The following PIEZO2 variants were observed in gnomAD, a reference collection of about 807,000 sequenced individuals.
The protein encoded by PIEZO2 is piezo type mechanosensitive ion channel component 2, also known as piezo-type mechanosensitive ion channel component 2.
A neutral mutation model predicts 337.3 loss-of-function variants in PIEZO2; 172 were observed. That is an observed-to-expected ratio of 0.51 (90% CI 0.45 to 0.58). The LOEUF (loss-of-function observed/expected upper bound fraction) is 0.58, where lower values mean the gene tolerates loss of function less well. Among genes scored for constraint, PIEZO2 ranks in the 20% least tolerant of loss-of-function variants. The probability of loss-of-function intolerance (pLI) is 0.00; values close to 1 mark genes in which losing one functional copy is unlikely to be tolerated. For missense variants in PIEZO2, 3,028 were observed against 3,391.3 expected, an observed-to-expected ratio of 0.89 and a Z score of 2.66; for synonymous variants, 1,251 against 1,228.5, an observed-to-expected ratio of 1.02 and a Z score of -0.38.
intron 4 of PIEZO2, among the ~76,000 whole-genome samples, chr18:10,887,065 CT>C (rs143421507): frequency 4.4e-4 from 40 of 91,400 alleles, no homozygotes; most frequent in South Asian, 1.3e-3. Flanking sequence ...AGGTGACACA[CT>C]TTTTTTTTTT....
At chr18:10,844,310 C>T (rs2041282713) in intron 7 of PIEZO2, among the ~76,000 whole-genome samples, 1 of 151,878 alleles carries the variant, frequency 6.6e-6, no homozygotes, top group Admixed American at 6.6e-5. Flanking sequence ...GTCCCAGCTA[C>T]TTAGGAAGCT....
chr18:10,778,874 A>G (rs1469811252), intron 18 of PIEZO2, among the ~76,000 whole-genome samples: 1 of 152,240 alleles, frequency 6.6e-6, no homozygotes, highest in African/African-American at 2.4e-5. Flanking sequence ...AAGGGAGCCC[A>G]TCAAACCAAC....
At position 10,696,104 on chromosome 18, in the gene PIEZO2, A is replaced by T; in HGVS notation, c.7160T>A (p.Met2387Lys). The change falls in exon 47 of 56, where the codon ATG becomes AAG. Residue 2387 changes from methionine to lysine, a missense_variant. Physicochemically the swap from Met to Lys is moderately conservative, Grantham distance 95. Around this residue, in one of 5 missense-constraint regions of PIEZO2, gnomAD observed 179 missense variants for 281.8 expected, o/e 0.64. Transcript: ENST00000674853. ...VILVFGIHFW[M>K]FFILPGVTER... Reference sequence around the variant, plus strand: ...AGTCACACCAGGTAAGATGAAGAACATCCAGAAGTGAATTCCGAACACAAG... The same window carrying T: ...AGTCACACCAGGTAAGATGAAGAACTTCCAGAAGTGAATTCCGAACACAAG... 1 of 1,614,198 alleles carries T rather than the reference A, an allele frequency of 6.2e-7. No individual in the cohort carries two copies. Among genetic ancestry groups the T allele is most frequent in the Non-Finnish European group, 8.5e-7 (1 of 1,180,008 alleles).
At chr18:10,762,109 C>G (rs1024957440) in intron 23 of PIEZO2, among the ~76,000 whole-genome samples, 5 of 152,184 alleles carry the variant, frequency 3.3e-5, no homozygotes, top group Admixed American at 1.3e-4. Flanking sequence ...GTATACTTTA[C>G]TTAATATTTT....
intron 40 of PIEZO2, among the ~76,000 whole-genome samples, chr18:10,705,988 T>C (rs1439656014): frequency 1.3e-5 from 2 of 152,224 alleles, no homozygotes; most frequent in Non-Finnish European, 2.9e-5. Flanking sequence ...GCCAGTCACG[T>C]GGCTCTCAAA....
rs1213240236 is a variant in PIEZO2 at position 10,716,557 on chromosome 18, G to A, written c.5090-741C>T. Among the ~76,000 whole-genome samples, 1 of 152,006 alleles carries A rather than the reference G, an allele frequency of 6.6e-6. No homozygotes were observed. The highest frequency in any genetic ancestry group is 1.5e-5 in the Non-Finnish European group (1 of 68,044). On this transcript the variant is annotated intron_variant, in intron 37 of 55. Transcript: ENST00000674853. This position sits in a 1 kb window ranked among gnomAD's most constrained non-coding sequence, Gnocchi z 4.1. Reference sequence around the variant, plus strand: ...CGGGTATCTTTTGCTGAGCAAGGAGGCACAGGAAGAGAACGGCCGCTGCTT... The same window carrying A: ...CGGGTATCTTTTGCTGAGCAAGGAGACACAGGAAGAGAACGGCCGCTGCTT...
At chr18:10,705,278 C>A in intron 41 of PIEZO2, 58 bp downstream of exon 41, 1 of 1,447,488 alleles carries the variant, frequency 6.9e-7, no homozygotes, top group South Asian at 1.4e-5. Flanking sequence ...AGAATTAGGG[C>A]ATTATGTTTA....
At chr18:10,829,167 A>G (rs1164931294) in intron 7 of PIEZO2, among the ~76,000 whole-genome samples, 2 of 152,166 alleles carry the variant, frequency 1.3e-5, no homozygotes, top group African/African-American at 4.8e-5. Flanking sequence ...TTTATAACTT[A>G]TGCTTATTTG....
At chr18:10,723,741 T>A (rs9951599) in intron 36 of PIEZO2, among the ~76,000 whole-genome samples, 6,968 of 152,168 alleles carry the variant, frequency 0.046, 530 homozygotes, top group African/African-American at 0.16. Context: ...GAGCGCCCTG[T>A]CACTGGCCTT....
In PIEZO2 at chr18:11,003,717, A is replaced by G. The variant is rs928385096; in HGVS notation, c.161-24057T>C. On this transcript the variant is annotated intron_variant, in intron 2 of 55. Transcript: ENST00000674853. The surrounding 1 kb of genome is among the most constrained non-coding windows in gnomAD (Gnocchi z 4.6). ...CAGACTGGGACCATGTGGACACACC[A>G]ATTTACCTAACATGTCCAGCTCTGG... Among the ~76,000 whole-genome samples the G allele has an allele frequency of 2.0e-4, 30 of 152,222 alleles. No individual in the cohort carries two copies. The highest frequency in any genetic ancestry group is 7.0e-4 in the African/African-American group (29 of 41,544).
chr18:10,885,357 G>A (rs1400389418), intron 4 of PIEZO2, among the ~76,000 whole-genome samples: 1 of 152,170 alleles, frequency 6.6e-6, no homozygotes, highest in Non-Finnish European at 1.5e-5. Context: ...CCGGGAGGTG[G>A]AGCTTGCAGT....
Position 10,795,140 on chromosome 18 carries a change from A to T in PIEZO2, c.1528-138T>A. Reference sequence around the variant, plus strand: ...GAGAGTAGAGAGTTGTGGTGGAGTGATGGAGACCCCAAGCCGTGGAGTGGT... The same window carrying T: ...GAGAGTAGAGAGTTGTGGTGGAGTGTTGGAGACCCCAAGCCGTGGAGTGGT... On this transcript the variant is annotated intron_variant, in intron 12 of 55. Transcript: ENST00000674853. This position sits in a 1 kb window ranked among gnomAD's most constrained non-coding sequence, Gnocchi z 4.4. The T allele has an allele frequency of 1.4e-6, 1 of 738,042 alleles. No homozygotes were observed. The allele number at this position is 738,042 out of a possible 1,614,324, so 45.7% of individuals were successfully genotyped here. A position where few individuals can be genotyped will look rare whatever the true frequency, so the allele number is the denominator to read the frequency against.
chr18:10,857,388 G>T (rs544201875), intron 5 of PIEZO2, among the ~76,000 whole-genome samples, 177 bp from the exon 6 acceptor site: 1 of 152,050 alleles, frequency 6.6e-6, no homozygotes, highest in Admixed American at 6.5e-5. Context: ...ATAAGCCCAA[G>T]TAACTCTGAT....
At chr18:11,057,690 A>G (rs2037781285) in intron 2 of PIEZO2, among the ~76,000 whole-genome samples, 1 of 152,214 alleles carries the variant, frequency 6.6e-6, no homozygotes, top group Non-Finnish European at 1.5e-5. Context: ...GCTATTGTAG[A>G]ATATTCCACC....
At chr18:10,688,362 T>C (rs1467941951) in intron 49 of PIEZO2, among the ~76,000 whole-genome samples, 3 of 152,214 alleles carry the variant, frequency 2.0e-5, no homozygotes, top group Non-Finnish European at 2.9e-5. Context: ...CTGCATAGTA[T>C]TCCATGGTGT....
intron 36 of PIEZO2, among the ~76,000 whole-genome samples, chr18:10,722,516 A>C (rs952766332): frequency 2.6e-5 from 4 of 152,150 alleles, no homozygotes; most frequent in Non-Finnish European, 5.9e-5. Context: ...AGGGTGAGCC[A>C]CCGTGCCCAG....
At chr18:10,844,645 T>C (rs920485165) in intron 7 of PIEZO2, among the ~76,000 whole-genome samples, 11 of 151,314 alleles carry the variant, frequency 7.3e-5, no homozygotes, top group South Asian at 2.1e-4. Flanking sequence ...AAAAAATAGC[T>C]AGGCGTGGTG....
Position 10,807,174 on chromosome 18 carries a change from G to A in PIEZO2, c.1018C>T (p.Leu340Phe), listed in dbSNP as rs1190950075. The A allele has an allele frequency of 3.9e-6, 6 of 1,537,158 alleles. No homozygotes were observed. Among genetic ancestry groups the A allele is most frequent in the Non-Finnish European group, 5.2e-6 (6 of 1,146,918 alleles). Residue 340 changes from leucine (L) to phenylalanine (F), a missense_variant, in exon 8 of 56, where the codon CTC (leucine) becomes TTC (phenylalanine). Physicochemically the swap from Leu to Phe is conservative, Grantham distance 22. Around this residue, in one of 5 missense-constraint regions of PIEZO2, gnomAD observed 542 missense variants for 605.6 expected, o/e 0.89. Transcript: ENST00000674853. Reference protein sequence around the residue: ...LSWYHHANPILLLVMYYTLAT... With the variant: ...LSWYHHANPIFLLVMYYTLAT... ...AGAGTGTAGTACATCACCAGCAGGA[G>A]GATAGGGTTGGCGTGGTGGTACCAC...
chr18:10,737,502 A>G (rs552578345), intron 33 of PIEZO2, among the ~76,000 whole-genome samples: 2 of 152,280 alleles, frequency 1.3e-5, no homozygotes, highest in South Asian at 2.1e-4. Flanking sequence ...TCTGGTCAAC[A>G]AGGAACTCCC....
Sources: allele counts gnomAD v4.1 joint callset (sites outside exome capture counted in the v4.1 genomes callset), GRCh38; gene constraint gnomAD v4.1.1; regional missense constraint gnomAD v4.1.1; non-coding constraint Gnocchi (gnomAD v3.1); transcripts MANE v1.5; gene names NCBI Gene and HGNC (gene_info 2026-07-23, HGNC 2026-07-21).